Variants in ALK observed in about 807,000 individuals in gnomAD.
ALK encodes the protein ALK receptor tyrosine kinase.
In ALK, 74 loss-of-function variants were observed where a neutral mutation model predicts 163.1. The observed-to-expected ratio is 0.45, with a 90% CI of 0.38 to 0.55. The LOEUF is 0.55. Among genes scored for constraint, ALK ranks in the 20% least tolerant of loss-of-function variants. ALK has a pLI of 0.00. For missense variants in ALK, 2,063 were observed against 2,105.3 expected (o/e 0.98, Z 0.39); for synonymous variants, 960 against 843.2 (o/e 1.14, Z -2.40).
intron 1 of ALK, among the ~76,000 whole-genome samples, chr2:29,823,774 A>G (rs750036837): frequency 2.6e-5 from 4 of 152,250 alleles, no homozygotes; most frequent in Admixed American, 2.6e-4. Context: ...AGCAGAGCAT[A>G]AAAGTTCAGA....
At chr2:29,359,527 G>A (rs1668339502) in intron 5 of ALK, among the ~76,000 whole-genome samples, 1 of 152,154 alleles carries the variant, frequency 6.6e-6, no homozygotes, top group African/African-American at 2.4e-5. Flanking sequence ...ATTTCATTAG[G>A]ATAATAAAAA....
intron 4 of ALK, among the ~76,000 whole-genome samples, chr2:29,401,192 A>C (rs1248855397): frequency 6.6e-6 from 1 of 152,070 alleles, no homozygotes; most frequent in Non-Finnish European, 1.5e-5. Flanking sequence ...GCCTTCGAGG[A>C]GCAAGCTGCT....
At chr2:29,865,288 C>G (rs1325052392) in intron 1 of ALK, among the ~76,000 whole-genome samples, 1 of 152,122 alleles carries the variant, frequency 6.6e-6, no homozygotes, top group African/African-American at 2.4e-5. Context: ...CTAGCTCCAG[C>G]TAAGGAGGAA....
chr2:29,545,607 G>T (rs1246275310), intron 3 of ALK, among the ~76,000 whole-genome samples: 1 of 152,148 alleles, frequency 6.6e-6, no homozygotes, highest in Non-Finnish European at 1.5e-5. Context: ...GCAGAGCTGA[G>T]CCATGTGGGC....
At chr2:29,273,161 T>G (rs973012026) in intron 11 of ALK, among the ~76,000 whole-genome samples, 4 of 152,212 alleles carry the variant, frequency 2.6e-5, no homozygotes, top group African/African-American at 9.6e-5. Context: ...GCCACTCTCC[T>G]CCCATGGCCC....
chr2:29,430,411 T>C (rs1670244930), intron 4 of ALK, among the ~76,000 whole-genome samples: 1 of 152,234 alleles, frequency 6.6e-6, no homozygotes, highest in Non-Finnish European at 1.5e-5. Flanking sequence ...AGGGAAACTT[T>C]TTCTGTAAAA....
rs1430381834 is a variant in ALK, at chr2:29,296,976, G to C, written c.1729C>G (p.Gln577Glu). The change falls in exon 9 of 29, where the codon CAA becomes GAA. Residue 577 changes from glutamine (Q) to glutamate (E), a missense_variant. By Grantham distance (29) the Gln-to-Glu change is conservative. Around this residue, in one of 5 missense-constraint regions of ALK, gnomAD observed 987 missense variants for 939.5 expected, o/e 1.05. Coordinates refer to ENST00000389048, the MANE Select transcript of ALK (RefSeq NM_004304.5). ...VLVENKTGKEQGRMVWHVAAY... is the reference protein window; with the variant it reads ...VLVENKTGKEEGRMVWHVAAY... ...GCGACATGCCAGACCATCCTGCCTT[G>C]CTCCTTCCCGGTTTTGTTCTCCACT... is the stretch of plus-strand genomic sequence containing the variant. 16 of 1,614,208 alleles carry C rather than the reference G, an allele frequency of 9.9e-6. No individual in the cohort carries two copies. The highest frequency in any genetic ancestry group is 1.4e-5 in the Non-Finnish European group (16 of 1,180,030).
chr2:29,233,136 T>C (rs114007634), intron 14 of ALK, among the ~76,000 whole-genome samples: 5 of 152,306 alleles, frequency 3.3e-5, no homozygotes, highest in Non-Finnish European at 7.3e-5. Flanking sequence ...CTCATCTTTA[T>C]TTTTTAATTC....
At chr2:29,561,150 T>A (rs756906145) in intron 3 of ALK, among the ~76,000 whole-genome samples, 12 of 152,236 alleles carry the variant, frequency 7.9e-5, no homozygotes, top group Non-Finnish European at 1.2e-4. Flanking sequence ...TTTACTTTTT[T>A]AAGTGGCTAC....
intron 4 of ALK, among the ~76,000 whole-genome samples, chr2:29,428,652 A>C (rs983748490): frequency 6.6e-6 from 1 of 152,026 alleles, no homozygotes; most frequent in Non-Finnish European, 1.5e-5. Flanking sequence ...AGAAAATCTT[A>C]GGCCCAGATA....
rs114188587 is a variant in ALK, at chr2:29,410,060, G to A, written c.1155-26201C>T. ...ATGAACCCTTAGAAGGTTCAGTCAC[G>A]CATTGCTTAACAACAAGGATACATC... On this transcript the variant is annotated intron_variant, in intron 4 of 28. Transcript: ENST00000389048. Among the ~76,000 whole-genome samples, 397 of 152,154 alleles carry A rather than the reference G, an allele frequency of 2.6e-3. 2 individuals carry two copies. Among genetic ancestry groups the A allele is most frequent in the African/African-American group, 9.0e-3 (375 of 41,518 alleles).
chr2:29,655,404 G>A (rs1015212549), intron 3 of ALK, among the ~76,000 whole-genome samples: 3 of 152,154 alleles, frequency 2.0e-5, no homozygotes, highest in Non-Finnish European at 4.4e-5. Context: ...AGTTCTGTAT[G>A]TTACCTTTTC....
intron 3 of ALK, among the ~76,000 whole-genome samples, chr2:29,589,058 G>A (rs546841713): frequency 6.6e-6 from 1 of 152,114 alleles, no homozygotes; most frequent in Non-Finnish European, 1.5e-5. Context: ...TGAGGTCTGA[G>A]AGCTTTAGAG....
At chr2:29,471,783 C>T (rs1452724271) in intron 4 of ALK, among the ~76,000 whole-genome samples, 11 of 151,720 alleles carry the variant, frequency 7.3e-5, no homozygotes, top group Admixed American at 7.2e-4. Flanking sequence ...CTCTTGTTGC[C>T]CAGACTGAAG....
chr2:29,327,235 A>G (rs1392009581), intron 6 of ALK, among the ~76,000 whole-genome samples: 6 of 152,266 alleles, frequency 3.9e-5, no homozygotes, highest in Admixed American at 3.3e-4. Flanking sequence ...GTTTTCCCCT[A>G]TGGAGTCCAA....
chr2:29,520,484 G>A (rs1351536335), intron 4 of ALK, among the ~76,000 whole-genome samples: 1 of 152,178 alleles, frequency 6.6e-6, no homozygotes, highest in East Asian at 1.9e-4. Context: ...GGTTGGTGAG[G>A]AAGACATGTG....
chr2:29,545,185 G>A (rs181982419), intron 3 of ALK, among the ~76,000 whole-genome samples: 6 of 152,300 alleles, frequency 3.9e-5, no homozygotes, highest in African/African-American at 1.4e-4. Flanking sequence ...ACTAACGCAT[G>A]GGCAGGTGGG....
At chr2:29,525,534 G>T (rs1297584413) in intron 4 of ALK, among the ~76,000 whole-genome samples, 2 of 152,050 alleles carry the variant, frequency 1.3e-5, no homozygotes, top group African/African-American at 4.8e-5. Context: ...GCTCATGCCT[G>T]TAATCCCAGC....
At chr2:29,695,117 C>T in intron 2 of ALK, 103 bp from the exon 3 acceptor site, 4 of 1,334,460 alleles carry the variant, frequency 3.0e-6, no homozygotes, top group Non-Finnish European at 4.2e-6. Flanking sequence ...CTCCCCACAT[C>T]CTTTGCCCTG....
Sources: allele counts gnomAD v4.1 joint callset (sites outside exome capture counted in the v4.1 genomes callset), GRCh38; gene constraint gnomAD v4.1.1; regional missense constraint gnomAD v4.1.1; transcripts MANE v1.5; gene names NCBI Gene and HGNC (gene_info 2026-07-23, HGNC 2026-07-21).